The following MINK1 variants were observed in gnomAD, a reference collection of about 807,000 sequenced individuals.
MINK1 encodes misshapen-like kinase 1.
A neutral mutation model predicts 178.4 loss-of-function variants in MINK1; 46 were observed. The ratio of observed to expected loss-of-function variants is 0.26; its 90% CI spans 0.20 to 0.33. The LOEUF is 0.33. Ranked by LOEUF, MINK1 falls within the 10% of genes least tolerant of loss-of-function variation. The pLI, the probability that MINK1 is intolerant of heterozygous loss-of-function variation, is 1.00. For missense variants in MINK1, 1,366 were observed against 1,814.9 expected (o/e 0.75, Z 4.49); for synonymous variants, 797 against 709.7 (o/e 1.12, Z -1.96).
intron 13 of MINK1, chr17:4,890,007 C>CT: frequency 3.5e-6 from 2 of 571,486 alleles, no homozygotes; most frequent in Non-Finnish European, 6.2e-6. Context: ...CTTCCTCATC[C>CT]CCCCTCATTC....
rs147451312 is a variant in MINK1, at chr17:4,869,219, C to T, written c.58-9098C>T. Reference sequence around the variant, plus strand: ...GATTACAGATGTGAGCCACCGCTCCCGGCCTAATTTTTTAATTTTTAAATT... The same window carrying T: ...GATTACAGATGTGAGCCACCGCTCCTGGCCTAATTTTTTAATTTTTAAATT... On this transcript the variant is annotated intron_variant, in intron 1 of 31. Transcript: ENST00000355280. Among the ~76,000 whole-genome samples, 419 of 149,828 alleles carry T rather than the reference C, an allele frequency of 2.8e-3. 1 individual carries two copies. Among genetic ancestry groups the T allele is most frequent in the African/African-American group, 1.0e-2 (406 of 40,782 alleles).
intron 1 of MINK1, among the ~76,000 whole-genome samples, chr17:4,835,605 C>T (rs187536686): frequency 2.6e-5 from 4 of 152,164 alleles, no homozygotes; most frequent in African/African-American, 2.4e-5. Flanking sequence ...CCAGCTTGGG[C>T]GACAAAGCGA....
At chr17:4,888,647 A>T (rs1285544351) in intron 12 of MINK1, among the ~76,000 whole-genome samples, 1 of 152,004 alleles carries the variant, frequency 6.6e-6, no homozygotes, top group Non-Finnish European at 1.5e-5. Context: ...ATAAAAAAAT[A>T]AAATAAATAT....
intron 1 of MINK1, among the ~76,000 whole-genome samples, chr17:4,871,277 C>A (rs1028826373): frequency 6.7e-6 from 1 of 150,188 alleles, no homozygotes; most frequent in African/African-American, 2.5e-5. Flanking sequence ...TACTGCCTTC[C>A]GCTCCTGGGC....
In MINK1 at chr17:4,887,901, C is replaced by T; in HGVS notation, c.1230+111C>T. On this transcript the variant is annotated intron_variant, in intron 12 of 31. Transcript: ENST00000355280. This position sits in a 1 kb window ranked among gnomAD's most constrained non-coding sequence, Gnocchi z 7.6. ...AAAATGCCTTAAATGAATGGCATTTCTGTTGAAACAATTATATGATTTCAA... is the reference window on the plus strand; with the variant it reads ...AAAATGCCTTAAATGAATGGCATTTTTGTTGAAACAATTATATGATTTCAA... 1.2e-6 allele frequency: 1 copy of T among 808,254 alleles called. No homozygotes were observed. The highest frequency in any genetic ancestry group is 1.8e-5 in the African/African-American group (1 of 56,634). The allele number at this position is 808,254 out of a possible 1,614,324, so 50.1% of individuals were successfully genotyped here.
intron 1 of MINK1, among the ~76,000 whole-genome samples, chr17:4,858,333 C>G (rs1913535319): frequency 6.6e-6 from 1 of 152,034 alleles, no homozygotes; most frequent in Non-Finnish European, 1.5e-5. Flanking sequence ...GGCTCACTGT[C>G]CTTTGAACTG....
chr17:4,860,467 C>T (rs1913987784), intron 1 of MINK1, among the ~76,000 whole-genome samples: 1 of 150,656 alleles, frequency 6.6e-6, no homozygotes, highest in Admixed American at 6.6e-5. Flanking sequence ...TGAACTCTTG[C>T]ATTTTCTCTT....
chr17:4,894,450 C>T lies in MINK1; in HGVS notation c.2809-75C>T, dbSNP rs1320995882. The T allele has an allele frequency of 3.3e-6, 5 of 1,520,660 alleles. No individual in the cohort carries two copies. The South Asian group carries it at 4.8e-5, about 15-fold the overall frequency. The allele number at this position is 1,520,660 out of a possible 1,614,324, so 94.2% of individuals were successfully genotyped here. ...GGGGTGCCAGTTGGGGAGCTGGAGC[C>T]TGGGGAACAGCAGCAGGGGCAGGGC... is the stretch of plus-strand genomic sequence containing the variant. On this transcript the variant is annotated intron_variant, in intron 23 of 31. Transcript: ENST00000355280. This position sits in a 1 kb window ranked among gnomAD's most constrained non-coding sequence, Gnocchi z 4.1.
At chr17:4,889,965 A>C (rs1334162827) in intron 13 of MINK1, 6 of 472,810 alleles carry the variant, frequency 1.3e-5, no homozygotes, top group Non-Finnish European at 1.8e-5. Flanking sequence ...CCTCATTCCC[A>C]TCTCTTTACC....
chr17:4,889,776 AC>A lies in MINK1; in HGVS notation c.1347+16del, dbSNP rs1567611913. On this transcript the variant is annotated intron_variant, in intron 13 of 31. Transcript: ENST00000355280. The stretch of plus-strand genomic sequence containing the variant: ...GGAGCGCGAGCAGGTAGAGCGCCGC[AC>A]CCGCATCCCTGCCCTCCCGCCCTCC... 1 of 1,514,540 alleles carries A rather than the reference AC, an allele frequency of 6.6e-7. No individual in the cohort carries two copies. Among genetic ancestry groups the A allele is most frequent in the Admixed American group, 2.0e-5 (1 of 49,968 alleles). 93.8% of individuals were successfully genotyped at this position (1,514,540 alleles called of 1,614,324 possible). A position where few individuals can be genotyped will look rare whatever the true frequency, so the allele number is the denominator to read the frequency against.
chr17:4,897,374 T>C lies in MINK1; in HGVS notation c.*87T>C. 1 of 1,271,894 alleles carries C rather than the reference T, an allele frequency of 7.9e-7. No homozygotes were observed. Among genetic ancestry groups the C allele is most frequent in the Admixed American group, 2.0e-5 (1 of 50,098 alleles). The allele number at this position is 1,271,894 out of a possible 1,614,324, so 78.8% of individuals were successfully genotyped here. ...CCGGGCCGCCCCTCTTTCCCCTCCC[T>C]GGGCTTTTGCTTTTACTGGTTTGAT... On this transcript the variant is annotated 3_prime_UTR_variant, in exon 32 of 32. Transcript: ENST00000355280.
At position 4,894,168 on chromosome 17, in the gene MINK1, C is replaced by G. The variant is rs771793877; in HGVS notation, c.2671-6C>G. ...CCCCACGCCAACCCTGCCCTCTGTC[C>G]TGTAGACCCCTGAAGAGGAGCGGAA... is the stretch of plus-strand genomic sequence containing the variant. On this transcript the variant is annotated splice_polypyrimidine_tract_variant and splice_region_variant and intron_variant, in intron 22 of 31. Transcript: ENST00000355280. This position sits in a 1 kb window ranked among gnomAD's most constrained non-coding sequence, Gnocchi z 4.1. 1 of 1,613,560 alleles carries G rather than the reference C, an allele frequency of 6.2e-7. No individual in the cohort carries two copies. Among genetic ancestry groups the G allele is most frequent in the Admixed American group, 1.7e-5 (1 of 60,010 alleles).
chr17:4,893,337 G>T (rs1352896755), intron 20 of MINK1, 97 bp from the exon 21 acceptor site: 2 of 1,613,310 alleles, frequency 1.2e-6, no homozygotes, highest in East Asian at 4.5e-5. Flanking sequence ...GCTTGTGGGA[G>T]CCCCTCCTGT....
chr17:4,893,556 A>G lies in MINK1; in HGVS notation c.2523A>G (p.Glu841=), dbSNP rs756550862. The part of the protein sequence containing the change: ...ESSEDDEEEG[E]GGPAEGSRDT... ...GTGAGGACGACGAGGAGGAAGGCGAAGGCGGGCCAGCAGAGGGGAGCAGAG... is the reference window on the plus strand; with the variant it reads ...GTGAGGACGACGAGGAGGAAGGCGAGGGCGGGCCAGCAGAGGGGAGCAGAG... The change falls in exon 21 of 32, where the codon GAA becomes GAG. Residue 841 remains glutamate (E), a synonymous_variant. Transcript: ENST00000355280. The G allele has an allele frequency of 1.9e-6, 3 of 1,585,426 alleles. No individual in the cohort carries two copies. The highest frequency in any genetic ancestry group is 1.7e-5 in the Admixed American group (1 of 57,678).
At chr17:4,870,605 A>T (rs1255885188) in intron 1 of MINK1, among the ~76,000 whole-genome samples, 1 of 151,866 alleles carries the variant, frequency 6.6e-6, no homozygotes, top group Non-Finnish European at 1.5e-5. Flanking sequence ...CGGGCGGATC[A>T]CTTGAACTCA....
chr17:4,883,829 C>T (rs953579887), intron 4 of MINK1, among the ~76,000 whole-genome samples: 48 of 151,740 alleles, frequency 3.2e-4, no homozygotes, highest in Admixed American at 1.1e-3. Context: ...TGAGCCTCCG[C>T]GCCCAGCCAT....
rs1372886266 is a variant in MINK1 at position 4,886,261 on chromosome 17, C to T, written c.773+63C>T. 3.1e-5 allele frequency: 48 copies of T among 1,573,358 alleles called. No individual in the cohort carries two copies. The highest frequency in any genetic ancestry group is 4.1e-5 in the Non-Finnish European group (47 of 1,143,182). Reference sequence around the variant, plus strand: ...CCCTGGACAAGGCCATCCCCACCTTCATGCCCTCTGTGCTCAGGCTTGGAT... The same window carrying T: ...CCCTGGACAAGGCCATCCCCACCTTTATGCCCTCTGTGCTCAGGCTTGGAT... On this transcript the variant is annotated intron_variant, in intron 9 of 31. Transcript: ENST00000355280. This position sits in a 1 kb window ranked among gnomAD's most constrained non-coding sequence, Gnocchi z 6.1.
In MINK1 at chr17:4,895,170, C is replaced by T; in HGVS notation, c.3013C>T (p.His1005Tyr). ...CGTGAATCCCACCAACACCCGGGCCCACAGTGAGACCCCTGAGATCCGGAA... is the reference window on the plus strand; with the variant it reads ...CGTGAATCCCACCAACACCCGGGCCTACAGTGAGACCCCTGAGATCCGGAA... Reference protein sequence around the residue: ...VNVNPTNTRAHSETPEIRKYK... With the variant: ...VNVNPTNTRAYSETPEIRKYK... Residue 1005 changes from histidine (H) to tyrosine (Y), a missense_variant, in exon 25 of 32, where the codon CAC becomes TAC. This residue lies in a region of MINK1 where 42 missense variants were observed against 64.0 expected (regional missense o/e 0.66). Transcript: ENST00000355280. The surrounding 1 kb of genome is among the most constrained non-coding windows in gnomAD (Gnocchi z 4.3). 1 of 1,614,096 alleles carries T rather than the reference C, an allele frequency of 6.2e-7. No homozygotes were observed. Among genetic ancestry groups the T allele is most frequent in the Non-Finnish European group, 8.5e-7 (1 of 1,180,028 alleles).
In MINK1 at chr17:4,897,905, GAGGGAGC is replaced by G. The variant is rs1567633306; in HGVS notation, c.*626_*632del. On this transcript the variant is annotated 3_prime_UTR_variant, in exon 32 of 32. Coordinates refer to ENST00000355280, the MANE Select transcript of MINK1 (RefSeq NM_153827.5). Reference sequence around the variant, plus strand: ...AGCCCATGCCCTTCCCCGGTGGAGGGAGGGAGCAGGGAGCCCTCACTCTCCACGCCCC... The same window carrying G: ...AGCCCATGCCCTTCCCCGGTGGAGGGAGGGAGCCCTCACTCTCCACGCCCC... 2.0e-5 allele frequency: 3 copies of G among 152,174 alleles called. No individual in the cohort carries two copies. Among genetic ancestry groups the G allele is most frequent in the Non-Finnish European group, 2.9e-5 (2 of 68,152 alleles). 9.4% of individuals were successfully genotyped at this position (152,174 alleles called of 1,614,324 possible). A position where few individuals can be genotyped will look rare whatever the true frequency, so the allele number is the denominator to read the frequency against.
Sources: allele counts gnomAD v4.1 joint callset (sites outside exome capture counted in the v4.1 genomes callset), GRCh38; gene constraint gnomAD v4.1.1; regional missense constraint gnomAD v4.1.1; non-coding constraint Gnocchi (gnomAD v3.1); transcripts MANE v1.5; gene names NCBI Gene and HGNC (gene_info 2026-07-23, HGNC 2026-07-21).